The following SPECC1 variants were observed in gnomAD, a reference collection of about 807,000 sequenced individuals.
SPECC1 encodes cytospin-B.
SPECC1 carries 62 observed loss-of-function variants against 104.1 expected under a neutral mutation model. The ratio of observed to expected loss-of-function variants is 0.60; its 90% confidence interval spans 0.49 to 0.74. The LOEUF (loss-of-function observed/expected upper bound fraction) is 0.74, where lower values mean the gene tolerates loss of function less well. SPECC1 is among the 30% of genes least tolerant of loss of function. The probability of loss-of-function intolerance (pLI) is 0.00; values close to 1 mark genes in which losing one functional copy is unlikely to be tolerated. For synonymous variants in SPECC1, 513 were observed against 501.6 expected, an observed-to-expected ratio of 1.02 and a Z score of -0.30; for missense variants, 1,306 against 1,310.5, an observed-to-expected ratio of 1.00 and a Z score of 0.05.
In SPECC1 at chr17:20,111,423, A is replaced by G. The variant is rs183982881; in HGVS notation, c.283+861A>G. Among the ~76,000 whole-genome samples, 32 of 152,372 alleles carry G rather than the reference A, an allele frequency of 2.1e-4. No homozygotes were observed. The East Asian group carries it at 5.4e-3, about 26-fold the overall frequency. ...CATACAAGGTATTCTTTTCTTGGAT[A>G]TAAAGGGAATGGCCTGGTTTTTCTA... On this transcript the variant is annotated intron_variant, in intron 3 of 14. Transcript: ENST00000395527.
At chr17:20,110,731 A>G (rs1002745475) in intron 3 of SPECC1, among the ~76,000 whole-genome samples, 169 bp downstream of exon 3, 23 of 152,094 alleles carry the variant, frequency 1.5e-4, no homozygotes, top group Admixed American at 1.5e-3. Context: ...CAGGGAGTTT[A>G]CATCTATAGA....
At chr17:20,222,869 C>T (rs1026206258) in intron 4 of SPECC1, among the ~76,000 whole-genome samples, 4 of 151,828 alleles carry the variant, frequency 2.6e-5, no homozygotes, top group Admixed American at 2.6e-4. Context: ...ACATTTTTTC[C>T]TTCAGTACTT....
intron 3 of SPECC1, among the ~76,000 whole-genome samples, chr17:20,179,407 A>G (rs2034705600): frequency 6.6e-6 from 1 of 152,248 alleles, no homozygotes; most frequent in Non-Finnish European, 1.5e-5. Context: ...TTCCTGAATC[A>G]AAGTCTGGGA....
chr17:20,164,019 C>G (rs2033414914), intron 3 of SPECC1, among the ~76,000 whole-genome samples: 1 of 152,080 alleles, frequency 6.6e-6, no homozygotes, highest in South Asian at 2.1e-4. Context: ...AAGTATAATT[C>G]TATAATGCAG....
chr17:20,050,281 A>C (rs2045691153), intron 1 of SPECC1, among the ~76,000 whole-genome samples: 1 of 152,302 alleles, frequency 6.6e-6, no homozygotes, highest in East Asian at 1.9e-4. Context: ...GGAGTAAGGT[A>C]GGGTGCCCAA....
intron 13 of SPECC1, among the ~76,000 whole-genome samples, chr17:20,297,645 G>A (rs1046968950): frequency 2.6e-5 from 4 of 152,158 alleles, no homozygotes; most frequent in African/African-American, 9.7e-5. Context: ...GGCTAAAGAG[G>A]CCATTGATCA....
chr17:20,082,293 A>C (rs948085638), intron 1 of SPECC1, among the ~76,000 whole-genome samples: 1 of 152,162 alleles, frequency 6.6e-6, no homozygotes, highest in Non-Finnish European at 1.5e-5. Context: ...GGTCTTAAAC[A>C]AAAGACATTA....
rs563333737 is a variant in SPECC1, at chr17:20,226,916, C to T, written c.1864-497C>T. 6.6e-3 allele frequency among the ~76,000 whole-genome samples: 1,005 copies of T among 152,172 alleles called. 10 individuals carry two copies. The highest frequency in any genetic ancestry group is 0.023 in the African/African-American group (952 of 41,538). On this transcript the variant is annotated intron_variant, in intron 4 of 14. Transcript: ENST00000395527. ...TTAGCCTGGCTTCAGGGTTGTTGTT[C>T]ACAGCTCAGCAGCAGAGGGCGCTGC...
chr17:20,134,147 A>G (rs1268368649), intron 3 of SPECC1, among the ~76,000 whole-genome samples: 1 of 150,578 alleles, frequency 6.6e-6, no homozygotes, highest in African/African-American at 2.4e-5. Flanking sequence ...AATATATATT[A>G]TATATTCCCT....
At chr17:20,060,874 ACAC>A (rs1481154653) in intron 1 of SPECC1, among the ~76,000 whole-genome samples, 3 of 152,242 alleles carry the variant, frequency 2.0e-5, no homozygotes, top group African/African-American at 7.2e-5. Flanking sequence ...ACGTACATAA[ACAC>A]CAGTGCATAC....
At position 20,169,603 on chromosome 17, in the gene SPECC1, A is replaced by G. The variant is rs565542575; in HGVS notation, c.284-34730A>G. ...TCCCTTATTGCGTTATATATAAAATAAGGGTATGTGTGCATGGTTAGTTCT... is the reference window on the plus strand; with the variant it reads ...TCCCTTATTGCGTTATATATAAAATGAGGGTATGTGTGCATGGTTAGTTCT... On this transcript the variant is annotated intron_variant, in intron 3 of 14. Coordinates refer to ENST00000395527, the MANE Select transcript of SPECC1 (RefSeq NM_001243439.2). Among the ~76,000 whole-genome samples, 3 of 152,184 alleles carry G rather than the reference A, an allele frequency of 2.0e-5. No homozygotes were observed. In the East Asian group the frequency reaches 5.8e-4, roughly 29 times the overall value.
At chr17:20,199,860 G>A (rs1044042751) in intron 3 of SPECC1, among the ~76,000 whole-genome samples, 2 of 152,132 alleles carry the variant, frequency 1.3e-5, no homozygotes, top group Non-Finnish European at 2.9e-5. Context: ...CGTGATCTTG[G>A]CTCACTGCAA....
At chr17:20,099,671 G>A (rs926455438) in intron 2 of SPECC1, among the ~76,000 whole-genome samples, 1 of 139,492 alleles carries the variant, frequency 7.2e-6, no homozygotes, top group Non-Finnish European at 1.5e-5. Flanking sequence ...CTCCAGCCTG[G>A]GTGACAGAGT....
At chr17:20,066,014 ATATC>A (rs1326304655) in intron 1 of SPECC1, among the ~76,000 whole-genome samples, 40 of 152,344 alleles carry the variant, frequency 2.6e-4, no homozygotes, top group South Asian at 1.7e-3. Flanking sequence ...ATCTGTATCT[ATATC>A]TATCTATCAG....
chr17:20,109,236 G>C (rs575376890), intron 2 of SPECC1, among the ~76,000 whole-genome samples: 3 of 152,342 alleles, frequency 2.0e-5, no homozygotes, highest in Admixed American at 6.5e-5. Flanking sequence ...GGATGGAGCA[G>C]GGCTTTTCCC....
At chr17:20,296,813 G>A in intron 12 of SPECC1, 148 bp from the exon 13 acceptor site, 3 of 648,874 alleles carry the variant, frequency 4.6e-6, no homozygotes, top group Non-Finnish European at 7.9e-6. Flanking sequence ...CGTGAATTCG[G>A]CTCTCTGTCT....
intron 3 of SPECC1, among the ~76,000 whole-genome samples, chr17:20,156,907 A>C (rs2032622006): frequency 6.6e-6 from 1 of 152,076 alleles, no homozygotes; most frequent in Non-Finnish European, 1.5e-5. Flanking sequence ...CGTGAAGCAA[A>C]AGGGATTTAG....
At chr17:20,292,004 G>T (rs1011262732) in intron 12 of SPECC1, among the ~76,000 whole-genome samples, 1 of 151,310 alleles carries the variant, frequency 6.6e-6, no homozygotes, top group Non-Finnish European at 1.5e-5. Flanking sequence ...GTACACAGAT[G>T]CCTTGAGATC....
rs1412899859 is a variant in SPECC1 at position 20,317,870 on chromosome 17, G to C, written c.*3805G>C. The C allele has an allele frequency of 1.3e-5, 3 of 225,830 alleles. No individual in the cohort carries two copies. Among genetic ancestry groups the C allele is most frequent in the Non-Finnish European group, 2.6e-5 (3 of 113,524 alleles). 14.0% of individuals were successfully genotyped at this position (225,830 alleles called of 1,614,324 possible). ...CTAGTAGGGCTCCCCCAAGCCATCC[G>C]CTGGCGTGTGGAGGTGCAGGACCTG... On this transcript the variant is annotated 3_prime_UTR_variant, in exon 15 of 15. Transcript: ENST00000395527.
Sources: allele counts gnomAD v4.1 joint callset (sites outside exome capture counted in the v4.1 genomes callset), GRCh38; gene constraint gnomAD v4.1.1; transcripts MANE v1.5; gene names NCBI Gene and HGNC (gene_info 2026-07-23, HGNC 2026-07-21).